Variants in VWA8 observed in about 807,000 individuals in gnomAD.
VWA8 encodes the protein von Willebrand factor A domain-containing protein 8.
VWA8 carries 221 observed loss-of-function variants against 241.5 expected under a neutral mutation model. That is an observed-to-expected ratio of 0.91 (90% confidence interval 0.82 to 1.02). The LOEUF (loss-of-function observed/expected upper bound fraction) is 1.02, where lower values mean the gene tolerates loss of function less well. Among genes scored for constraint, VWA8 ranks in the 50% least tolerant of loss-of-function variants. VWA8 has a pLI of 0.00. For missense variants in VWA8, 2,322 were observed against 2,328.7 expected, an observed-to-expected ratio of 1.00 and a Z score of 0.06; for synonymous variants, 852 against 827.1, an observed-to-expected ratio of 1.03 and a Z score of -0.52.
intron 40 of VWA8, among the ~76,000 whole-genome samples, chr13:41,592,270 A>G (rs1321210685): frequency 7.8e-6 from 1 of 128,330 alleles, no homozygotes; most frequent in Non-Finnish European, 1.6e-5. Context: ...GAACAATGAG[A>G]TCACATGGAC....
chr13:41,859,105 G>A (rs1872890814), intron 12 of VWA8, among the ~76,000 whole-genome samples: 2 of 145,566 alleles, frequency 1.4e-5, no homozygotes. Flanking sequence ...AAAAGTCAGC[G>A]TCAAAAAAAA....
intron 16 of VWA8, among the ~76,000 whole-genome samples, 195 bp from the exon 17 acceptor site, chr13:41,811,535 A>G (rs1305245479): frequency 6.6e-6 from 1 of 152,216 alleles, no homozygotes; most frequent in African/African-American, 2.4e-5. Flanking sequence ...TAGTTTTTAA[A>G]AAATCTAAAG....
chr13:41,879,409 A>G (rs1874063400), intron 9 of VWA8, among the ~76,000 whole-genome samples: 1 of 150,666 alleles, frequency 6.6e-6, no homozygotes, highest in East Asian at 1.9e-4. Flanking sequence ...ACACACACAC[A>G]CACACACCTT....
chr13:41,813,779 C>A (rs1397031775), intron 16 of VWA8, among the ~76,000 whole-genome samples: 1 of 152,072 alleles, frequency 6.6e-6, no homozygotes, highest in Non-Finnish European at 1.5e-5. Flanking sequence ...GTTTGGTAAT[C>A]TCTGCTCTCA....
chr13:41,774,903 A>C (rs1402577742), intron 20 of VWA8, among the ~76,000 whole-genome samples: 2 of 152,212 alleles, frequency 1.3e-5, no homozygotes, highest in African/African-American at 4.8e-5. Flanking sequence ...AAAGGAAGGA[A>C]GGTCTTTGGG....
chr13:41,797,080 G>A (rs1304431188), intron 17 of VWA8, among the ~76,000 whole-genome samples: 1 of 152,070 alleles, frequency 6.6e-6, no homozygotes, highest in Non-Finnish European at 1.5e-5. Context: ...ATCCAGGCTA[G>A]AGTGTAATGG....
chr13:41,724,631 C>T (rs2045418066), intron 24 of VWA8, among the ~76,000 whole-genome samples: 1 of 152,160 alleles, frequency 6.6e-6, no homozygotes, highest in Admixed American at 6.5e-5. Context: ...TTTTTAATTG[C>T]TTTCGTTTTT....
intron 13 of VWA8, among the ~76,000 whole-genome samples, chr13:41,832,687 CA>C (rs1398391096): frequency 1.3e-5 from 2 of 152,190 alleles, no homozygotes; most frequent in East Asian, 1.9e-4. Flanking sequence ...CAGAAAATAT[CA>C]GTATCATTAA....
At chr13:41,788,756 G>A (rs1423078068) in intron 17 of VWA8, among the ~76,000 whole-genome samples, 1 of 152,104 alleles carries the variant, frequency 6.6e-6, no homozygotes, top group Non-Finnish European at 1.5e-5. Flanking sequence ...GGCTGGCTTG[G>A]TAACATTAGG....
intron 32 of VWA8, 122 bp from the exon 33 acceptor site, chr13:41,690,397 G>T: frequency 1.3e-6 from 1 of 759,440 alleles, no homozygotes; most frequent in Non-Finnish European, 2.0e-6. Flanking sequence ...ATAATTTGCA[G>T]TTTTAGAGTT....
intron 32 of VWA8, among the ~76,000 whole-genome samples, chr13:41,690,622 G>A (rs1190902797): frequency 6.6e-6 from 1 of 152,072 alleles, no homozygotes. Flanking sequence ...TATGACTTCT[G>A]ATTTGTGATC....
intron 2 of VWA8, among the ~76,000 whole-genome samples, chr13:41,919,580 C>A (rs1876417124): frequency 6.6e-6 from 1 of 152,098 alleles, no homozygotes; most frequent in Admixed American, 6.6e-5. Flanking sequence ...AGCCCCCAAT[C>A]CCTGAATTTA....
chr13:41,806,640 T>C (rs1870223059), intron 17 of VWA8, among the ~76,000 whole-genome samples: 1 of 152,034 alleles, frequency 6.6e-6, no homozygotes, highest in Non-Finnish European at 1.5e-5. Context: ...GAGGCAGAGG[T>C]TGCAGTGAGC....
chr13:41,869,586 G>C (rs1193930164), intron 9 of VWA8, among the ~76,000 whole-genome samples: 1 of 126,626 alleles, frequency 7.9e-6, no homozygotes, highest in African/African-American at 3.0e-5. Flanking sequence ...AACTGAGATT[G>C]TGCCACTGCA....
intron 20 of VWA8, among the ~76,000 whole-genome samples, chr13:41,761,490 G>C (rs752762609): frequency 6.6e-6 from 1 of 152,120 alleles, no homozygotes; most frequent in East Asian, 1.9e-4. Flanking sequence ...AATTTACACT[G>C]AAGTCTAGGC....
intron 21 of VWA8, among the ~76,000 whole-genome samples, chr13:41,742,635 AAAG>A (rs1458256691): frequency 6.6e-6 from 1 of 152,242 alleles, no homozygotes; most frequent in Non-Finnish European, 1.5e-5. Flanking sequence ...ATTAAAAATT[AAAG>A]AAGGATATTT....
intron 37 of VWA8, among the ~76,000 whole-genome samples, chr13:41,624,800 C>T (rs1050308691): frequency 1.3e-4 from 20 of 152,142 alleles, no homozygotes; most frequent in South Asian, 6.2e-4. Context: ...CCATTCCACG[C>T]GGCACTGGAA....
At chr13:41,917,993 T>C (rs1365434597) in intron 2 of VWA8, among the ~76,000 whole-genome samples, 2 of 152,212 alleles carry the variant, frequency 1.3e-5, no homozygotes, top group South Asian at 2.1e-4. Flanking sequence ...CTATTTACCA[T>C]GTAACATTCT....
chr13:41,880,274 C>A (rs1384087957), intron 9 of VWA8, among the ~76,000 whole-genome samples: 2 of 152,092 alleles, frequency 1.3e-5, no homozygotes, highest in African/African-American at 4.8e-5. Context: ...TTTTTTAGCA[C>A]ATTTCCCCCT....
Sources: gnomAD v4.1 joint callset for allele counts (sites outside exome capture counted in the v4.1 genomes callset) on GRCh38, gnomAD v4.1.1 for gene constraint, MANE v1.5 for transcripts, NCBI Gene and HGNC (gene_info 2026-07-23, HGNC 2026-07-21) for gene names.